The following FSTL5 variants were observed in gnomAD, a reference collection of about 807,000 sequenced individuals.
The protein encoded by FSTL5 is follistatin like 5.
Under a neutral mutation model 89.1 loss-of-function variants are expected in FSTL5, and 62 were observed. That is an observed-to-expected ratio of 0.70 (90% CI 0.57 to 0.86). The LOEUF (loss-of-function observed/expected upper bound fraction) is 0.86, where lower values mean the gene tolerates loss of function less well. Ranked by LOEUF, FSTL5 falls within the 40% of genes least tolerant of loss-of-function variation. The probability of loss-of-function intolerance (pLI) is 0.00; values close to 1 mark genes in which losing one functional copy is unlikely to be tolerated. For missense variants in FSTL5, 1,057 were observed against 1,001.6 expected (o/e 1.06, Z -0.75); for synonymous variants, 383 against 346.2 (o/e 1.11, Z -1.18).
chr4:161,950,900 T>C (rs1734874773), intron 3 of FSTL5, among the ~76,000 whole-genome samples: 1 of 152,148 alleles, frequency 6.6e-6, no homozygotes, highest in South Asian at 2.1e-4. Context: ...GCCATTATTA[T>C]TATTATTGAT....
intron 7 of FSTL5, among the ~76,000 whole-genome samples, chr4:161,644,139 G>A (rs77565089): frequency 0.17 from 25,553 of 152,088 alleles, 2,723 homozygotes; most frequent in Non-Finnish European, 0.25. Context: ...CACAAGAGGC[G>A]TTTGTTTACT....
chr4:161,871,716 G>T (rs1215989356), intron 4 of FSTL5, among the ~76,000 whole-genome samples: 1 of 152,062 alleles, frequency 6.6e-6, no homozygotes, highest in Non-Finnish European at 1.5e-5. Flanking sequence ...TTTCCAAACT[G>T]ATTTATTTGT....
intron 4 of FSTL5, among the ~76,000 whole-genome samples, chr4:161,882,792 G>A (rs909217749): frequency 2.6e-5 from 4 of 151,978 alleles, no homozygotes; most frequent in Non-Finnish European, 5.9e-5. Context: ...CAGAACTCGA[G>A]TTGTCTTTCC....
At chr4:162,132,846 C>T (rs377721245) in intron 1 of FSTL5, among the ~76,000 whole-genome samples, 3 of 152,204 alleles carry the variant, frequency 2.0e-5, no homozygotes, top group South Asian at 4.1e-4. Flanking sequence ...TATAAACTCT[C>T]ACATGGTATT....
chr4:161,404,966 C>T (rs758074350), intron 15 of FSTL5, among the ~76,000 whole-genome samples: 6 of 152,152 alleles, frequency 3.9e-5, no homozygotes, highest in Non-Finnish European at 8.8e-5. Context: ...GGCGGTGGCT[C>T]ATGCCTGTAA....
chr4:161,601,194 G>A (rs1234976989), intron 7 of FSTL5, among the ~76,000 whole-genome samples: 4 of 152,008 alleles, frequency 2.6e-5, no homozygotes, highest in Admixed American at 6.6e-5. Context: ...CTGGGGGCAG[G>A]AGAGGCATTC....
At chr4:161,773,463 T>C (rs564431994) in intron 5 of FSTL5, among the ~76,000 whole-genome samples, 2 of 152,166 alleles carry the variant, frequency 1.3e-5, no homozygotes, top group Admixed American at 6.5e-5. Flanking sequence ...ATGACTAATA[T>C]ACAGAATCTG....
Position 161,386,278 on chromosome 4 carries a change from T to C in FSTL5, c.2013A>G (p.Gly671=), listed in dbSNP as rs201123322. Residue 671 remains glycine, a synonymous_variant, in exon 16 of 16, where the codon GGA becomes GGG. Transcript: ENST00000306100. ...YFIGCKPDST[G]AVSPQVMVDG... ...CCACCATGACCTGTGGGGAAACTGC[T>C]CCGGTGCTGTCAGGTTTGCAGCCAA... 10 of 1,613,892 alleles carry C rather than the reference T, an allele frequency of 6.2e-6. No homozygotes were observed. The highest frequency in any genetic ancestry group is 1.7e-5 in the Admixed American group (1 of 59,974).
intron 8 of FSTL5, among the ~76,000 whole-genome samples, chr4:161,577,231 T>C (rs1222611399): frequency 6.6e-6 from 1 of 152,072 alleles, no homozygotes; most frequent in Non-Finnish European, 1.5e-5. Flanking sequence ...ATTAGTCATG[T>C]GTACTAACTT....
intron 15 of FSTL5, among the ~76,000 whole-genome samples, chr4:161,408,987 T>G (rs1016330549): frequency 6.6e-6 from 1 of 152,186 alleles, no homozygotes. Flanking sequence ...TAACTTATAT[T>G]TGAGGATATA....
At chr4:161,969,784 G>A (rs1232784081) in intron 3 of FSTL5, among the ~76,000 whole-genome samples, 1 of 151,854 alleles carries the variant, frequency 6.6e-6, no homozygotes, top group African/African-American at 2.4e-5. Flanking sequence ...TTTTTTGGAG[G>A]AACCAATTTG....
chr4:161,830,011 C>T (rs1306181521), intron 4 of FSTL5, among the ~76,000 whole-genome samples: 1 of 152,024 alleles, frequency 6.6e-6, no homozygotes, highest in East Asian at 1.9e-4. Context: ...CCAACAGAAT[C>T]TCAGAATCAT....
chr4:162,062,267 A>G (rs1738742248), intron 2 of FSTL5, among the ~76,000 whole-genome samples: 1 of 151,936 alleles, frequency 6.6e-6, no homozygotes, highest in South Asian at 2.1e-4. Context: ...TAGATTTCTA[A>G]ATAGCAGTTG....
intron 13 of FSTL5, among the ~76,000 whole-genome samples, chr4:161,475,357 T>G (rs1376523839): frequency 6.6e-6 from 1 of 152,160 alleles, no homozygotes; most frequent in African/African-American, 2.4e-5. Context: ...TCTCTCTCTC[T>G]TCTCCTTCTG....
At chr4:161,612,602 C>T (rs1734690521) in intron 7 of FSTL5, among the ~76,000 whole-genome samples, 1 of 152,168 alleles carries the variant, frequency 6.6e-6, no homozygotes, top group African/African-American at 2.4e-5. Flanking sequence ...GACAAAAAGT[C>T]ATGTAATTCA....
intron 4 of FSTL5, among the ~76,000 whole-genome samples, chr4:161,830,459 A>G (rs1730809675): frequency 1.3e-5 from 2 of 152,076 alleles, no homozygotes; most frequent in South Asian, 4.1e-4. Context: ...TTTTGATTAA[A>G]AATGAAATTA....
Position 161,509,229 on chromosome 4 carries a change from A to C in FSTL5, c.1339+1169T>G, listed in dbSNP as rs528388858. The stretch of plus-strand genomic sequence containing the variant: ...AAGGCAGGAGAATTGCTTGAACCCG[A>C]GAGGTGGAGGTTGCAGTGCGCCGAG... On this transcript the variant is annotated intron_variant, in intron 11 of 15. Coordinates refer to ENST00000306100, the MANE Select transcript of FSTL5 (RefSeq NM_020116.5). Among the ~76,000 whole-genome samples, 3 of 152,176 alleles carry C rather than the reference A, an allele frequency of 2.0e-5. No individual in the cohort carries two copies. The East Asian group carries it at 5.8e-4, about 30-fold the overall frequency.
chr4:161,490,357 T>C (rs964244522), intron 12 of FSTL5, among the ~76,000 whole-genome samples: 3 of 152,136 alleles, frequency 2.0e-5, no homozygotes, highest in Non-Finnish European at 4.4e-5. Flanking sequence ...GAAACCTTAG[T>C]TGAAGAGTGA....
At chr4:161,934,698 A>G (rs980350152) in intron 3 of FSTL5, among the ~76,000 whole-genome samples, 14 of 152,172 alleles carry the variant, frequency 9.2e-5, no homozygotes, top group African/African-American at 3.4e-4. Context: ...ATAGATATAA[A>G]TCAATGTATG....
Sources: allele counts gnomAD v4.1 joint callset (sites outside exome capture counted in the v4.1 genomes callset), GRCh38; gene constraint gnomAD v4.1.1; transcripts MANE v1.5; gene names NCBI Gene and HGNC (gene_info 2026-07-23, HGNC 2026-07-21).